TTC7A: variants seen among roughly 807,000 people sequenced by gnomAD.
TTC7A encodes tetratricopeptide repeat domain 7A, also known as tetratricopeptide repeat protein 7A.
In TTC7A, 110 loss-of-function variants were observed where a neutral mutation model predicts 103.7. The ratio of observed to expected loss-of-function variants is 1.06; its 90% CI spans 0.91 to 1.24. The LOEUF is 1.24. Ranked by LOEUF, TTC7A falls within the 50% of genes most tolerant of loss-of-function variation. The pLI is 0.00. For synonymous variants in TTC7A, 521 were observed against 467.9 expected (o/e 1.11, Z -1.47); for missense variants, 1,340 against 1,116.3 (o/e 1.20, Z -2.86).
chr2:46,927,845 A>G (rs995759292), intron 2 of TTC7A, among the ~76,000 whole-genome samples: 4 of 146,606 alleles, frequency 2.7e-5, no homozygotes, highest in Non-Finnish European at 4.5e-5. Flanking sequence ...TGAGTGATTT[A>G]TCCACCAGCA....
In TTC7A at chr2:47,073,891, C is replaced by T. The variant is rs746188502; in HGVS notation, c.2545C>T (p.Leu849=). The T allele has an allele frequency of 2.3e-5, 37 of 1,613,080 alleles. No homozygotes were observed. The highest frequency in any genetic ancestry group is 3.1e-5 in the Non-Finnish European group (36 of 1,179,972). Residue 849 remains leucine, a synonymous_variant, in exon 20 of 20, where the codon CTG becomes TTG. Transcript: ENST00000319190. The stretch of plus-strand genomic sequence containing the variant: ...TGAGCTGGAGGCCAGCAGCCCTGTA[C>T]TGCCCTTCTCCATCATCCCCAGAGA... ...ALELEASSPV[L]PFSIIPREL is the part of the protein sequence containing the mutation.
intron 19 of TTC7A, among the ~76,000 whole-genome samples, chr2:47,063,413 T>G (rs1481644757): frequency 1.3e-5 from 2 of 152,230 alleles, no homozygotes; most frequent in Non-Finnish European, 2.9e-5. Flanking sequence ...AGCACCTTTT[T>G]CCCACTGAGC....
intron 2 of TTC7A, among the ~76,000 whole-genome samples, chr2:46,933,310 TA>T (rs1172371728): frequency 6.6e-6 from 1 of 152,094 alleles, no homozygotes; most frequent in Non-Finnish European, 1.5e-5. Context: ...TGGCTGGGGA[TA>T]AAAAACACCC....
intron 2 of TTC7A, among the ~76,000 whole-genome samples, chr2:46,920,456 A>C (rs1256998331): frequency 6.6e-6 from 1 of 151,902 alleles, no homozygotes; most frequent in Non-Finnish European, 1.5e-5. Context: ...CAGCCTCCCA[A>C]GTTGCTGGGA....
intron 1 of TTC7A, 132 bp from the exon 2 acceptor site, chr2:46,950,231 G>A (rs949311327): frequency 2.6e-6 from 2 of 772,320 alleles, no homozygotes; most frequent in Admixed American, 2.6e-5. Context: ...TGAAAAATGT[G>A]CCTTTATTTT....
chr2:47,013,381 G>T (rs1192037424), intron 11 of TTC7A, among the ~76,000 whole-genome samples: 1 of 152,206 alleles, frequency 6.6e-6, no homozygotes, highest in Non-Finnish European at 1.5e-5. Flanking sequence ...GCAGCAGAGG[G>T]TGGAGATATG....
chr2:46,979,922 G>C (rs12052808), intron 5 of TTC7A, among the ~76,000 whole-genome samples: 2 of 151,880 alleles, frequency 1.3e-5, no homozygotes, highest in African/African-American at 4.8e-5. Flanking sequence ...GCCGTCCCCC[G>C]TGCGTAGTCA....
intron 14 of TTC7A, among the ~76,000 whole-genome samples, chr2:47,025,978 T>C (rs1194923891): frequency 6.6e-6 from 1 of 152,244 alleles, no homozygotes; most frequent in Non-Finnish European, 1.5e-5. Context: ...CCTTTGGTGA[T>C]GCATTTTTTA....
intron 11 of TTC7A, among the ~76,000 whole-genome samples, chr2:47,015,100 C>G (rs973379696): frequency 1.3e-5 from 2 of 152,218 alleles, no homozygotes; most frequent in African/African-American, 4.8e-5. Context: ...TGAAGTTCCC[C>G]TTGGTGAGGG....
At chr2:46,917,971 T>C (rs1668902295) in intron 2 of TTC7A, among the ~76,000 whole-genome samples, 1 of 152,228 alleles carries the variant, frequency 6.6e-6, no homozygotes, top group Non-Finnish European at 1.5e-5. Context: ...AGTCACCTTC[T>C]CTATCCACCC....
chr2:47,019,710 T>C (rs1476622316), intron 11 of TTC7A, among the ~76,000 whole-genome samples: 1 of 151,662 alleles, frequency 6.6e-6, no homozygotes, highest in Non-Finnish European at 1.5e-5. Context: ...CCTCTCTGCA[T>C]GGGTTGCAGG....
intron 18 of TTC7A, 49 bp downstream of exon 18, chr2:47,051,929 C>T (rs1334167553): frequency 6.4e-7 from 1 of 1,563,346 alleles, no homozygotes; most frequent in Admixed American, 1.8e-5. Context: ...GCAGGCCACC[C>T]ATGCTCTCAG....
At position 47,046,351 on chromosome 2, in the gene TTC7A, G is replaced by A. The variant is rs1410698111; in HGVS notation, c.1839G>A (p.Leu613=). Reference sequence around the variant, plus strand: ...CCAAGGTGAAGCTGGAGCAGGTGCTGAAAGGCCCAGAGGAAGCCCTCGTGA... The same window carrying A: ...CCAAGGTGAAGCTGGAGCAGGTGCTAAAAGGCCCAGAGGAAGCCCTCGTGA... ...MFTKVKLEQV[L]KGPEEALVTC... The change falls in exon 16 of 20, where the codon CTG becomes CTA. Residue 613 remains leucine, a synonymous_variant. Coordinates refer to ENST00000319190, the MANE Select transcript of TTC7A (RefSeq NM_020458.4). The A allele has an allele frequency of 1.9e-6, 3 of 1,614,072 alleles. No individual in the cohort carries two copies. Among genetic ancestry groups the A allele is most frequent in the Non-Finnish European group, 1.7e-6 (2 of 1,180,028 alleles).
In TTC7A at chr2:47,074,158, G is replaced by C; in HGVS notation, c.*235G>C. 1 of 564,604 alleles carries C rather than the reference G, an allele frequency of 1.8e-6. No individual in the cohort carries two copies. Among genetic ancestry groups the C allele is most frequent in the Admixed American group, 3.1e-5 (1 of 31,788 alleles). The allele number at this position is 564,604 out of a possible 1,614,324, so 35.0% of individuals were successfully genotyped here. A position where few individuals can be genotyped will look rare whatever the true frequency, so the allele number is the denominator to read the frequency against. ...CTTGAACCCTAAGTGCCTTTGGAGA[G>C]TTTTGTGGTGACCAGACTTGCTCCC... On this transcript the variant is annotated 3_prime_UTR_variant, in exon 20 of 20. Coordinates refer to ENST00000319190, the MANE Select transcript of TTC7A (RefSeq NM_020458.4).
At chr2:46,984,026 C>T (rs915894277) in intron 5 of TTC7A, among the ~76,000 whole-genome samples, 1 of 152,200 alleles carries the variant, frequency 6.6e-6, no homozygotes, top group Non-Finnish European at 1.5e-5. Context: ...TTAGGAAGGG[C>T]TAAATTCACA....
chr2:47,015,694 G>A (rs573298217), intron 11 of TTC7A, among the ~76,000 whole-genome samples: 2 of 152,292 alleles, frequency 1.3e-5, no homozygotes, highest in Admixed American at 6.5e-5. Context: ...TGCTATCACC[G>A]TTACAGCCCC....
At chr2:46,978,959 C>A in intron 5 of TTC7A, 52 bp downstream of exon 5, 1 of 1,368,738 alleles carries the variant, frequency 7.3e-7, no homozygotes, top group Non-Finnish European at 1.0e-6. Context: ...TGGGCTGAGG[C>A]TTTTGACGTG....
intron 3 of TTC7A, 33 bp downstream of exon 3, chr2:46,957,040 A>G: frequency 1.9e-6 from 3 of 1,613,696 alleles, no homozygotes; most frequent in Admixed American, 1.7e-5. Context: ...GCTCCCCTCC[A>G]CTGTGTGCAG....
intron 1 of TTC7A, 112 bp from the exon 2 acceptor site, chr2:46,950,251 G>T: frequency 9.4e-7 from 1 of 1,068,506 alleles, no homozygotes; most frequent in Non-Finnish European, 1.4e-6. Flanking sequence ...TCTCAGACCT[G>T]AGCCATTCAT....
Sources: gnomAD v4.1 joint callset for allele counts (sites outside exome capture counted in the v4.1 genomes callset) on GRCh38, gnomAD v4.1.1 for gene constraint, MANE v1.5 for transcripts, NCBI Gene and HGNC (gene_info 2026-07-23, HGNC 2026-07-21) for gene names.